The following TLE1 variants were observed in gnomAD, a reference collection of about 807,000 sequenced individuals.
TLE1 encodes the protein transducin-like enhancer protein 1.
A neutral mutation model predicts 89.8 loss-of-function variants in TLE1; 21 were observed. The observed-to-expected ratio is 0.23, with a 90% CI of 0.17 to 0.34. The LOEUF is 0.34. Ranked by LOEUF, TLE1 falls within the 10% of genes least tolerant of loss-of-function variation. The probability of loss-of-function intolerance (pLI) is 1.00; values close to 1 mark genes in which losing one functional copy is unlikely to be tolerated. For missense variants in TLE1, 795 were observed against 1,031.2 expected (o/e 0.77, Z 3.14); for synonymous variants, 447 against 407.6 (o/e 1.10, Z -1.16).
At chr9:81,681,872 AAG>A (rs1247258798) in intron 4 of TLE1, among the ~76,000 whole-genome samples, 2 of 152,152 alleles carry the variant, frequency 1.3e-5, no homozygotes, top group African/African-American at 4.8e-5. Flanking sequence ...CATCAGCACA[AAG>A]AGTCAGAACT....
At chr9:81,681,778 G>A (rs1264748878) in intron 4 of TLE1, among the ~76,000 whole-genome samples, 1 of 152,164 alleles carries the variant, frequency 6.6e-6, no homozygotes, top group African/African-American at 2.4e-5. Context: ...CCTCTCCCCA[G>A]AAAGACCAGT....
intron 17 of TLE1, among the ~76,000 whole-genome samples, chr9:81,586,718 C>A (rs955957175): frequency 2.6e-5 from 4 of 152,060 alleles, no homozygotes; most frequent in Admixed American, 2.6e-4. Context: ...TTGTACAATT[C>A]TCTGTGCTTT....
chr9:81,630,769 A>G lies in TLE1; in HGVS notation c.594+2579T>C, dbSNP rs73647836. Among the ~76,000 whole-genome samples, 713 of 152,350 alleles carry G rather than the reference A, an allele frequency of 4.7e-3. 4 individuals are homozygous for G. The highest frequency in any genetic ancestry group is 0.016 in the African/African-American group (671 of 41,582). Reference sequence around the variant, plus strand: ...CCACTTTATTAAATAGATAAGTACTATAATATTTTAGGCACTAATAGTACA... The same window carrying G: ...CCACTTTATTAAATAGATAAGTACTGTAATATTTTAGGCACTAATAGTACA... On this transcript the variant is annotated intron_variant, in intron 8 of 19. Coordinates refer to ENST00000376499, the MANE Select transcript of TLE1 (RefSeq NM_005077.5).
intron 4 of TLE1, among the ~76,000 whole-genome samples, chr9:81,673,843 G>A (rs1564068143): frequency 6.6e-6 from 1 of 152,116 alleles, no homozygotes; most frequent in Non-Finnish European, 1.5e-5. Context: ...GAAAGCCAAA[G>A]AGCTGAGAAA....
At chr9:81,652,741 G>A (rs760880218) in intron 5 of TLE1, among the ~76,000 whole-genome samples, 5 of 152,074 alleles carry the variant, frequency 3.3e-5, no homozygotes, top group Non-Finnish European at 7.4e-5. Context: ...AGGAGTTCAA[G>A]ACCAGCATGG....
chr9:81,615,395 G>A (rs1211613126), intron 11 of TLE1, among the ~76,000 whole-genome samples: 1 of 151,378 alleles, frequency 6.6e-6, no homozygotes, highest in Non-Finnish European at 1.5e-5. Context: ...AGAGAGCTGT[G>A]TGGCAAGAAC....
chr9:81,653,077 G>C (rs1252945430), intron 5 of TLE1, among the ~76,000 whole-genome samples: 1 of 152,156 alleles, frequency 6.6e-6, no homozygotes, highest in Admixed American at 6.5e-5. Flanking sequence ...ATGTAACATA[G>C]AGCCGTGGAT....
At chr9:81,615,785 G>A (rs1250509426) in intron 11 of TLE1, among the ~76,000 whole-genome samples, 197 bp downstream of exon 11, 3 of 151,808 alleles carry the variant, frequency 2.0e-5, no homozygotes, top group African/African-American at 7.3e-5. Context: ...CTCTAATCAT[G>A]GCCGAAAAGA....
Position 81,688,386 on chromosome 9 carries a change from C to T in TLE1, c.-146G>A. On this transcript the variant is annotated 5_prime_UTR_variant, in exon 1 of 20. Coordinates refer to ENST00000376499, the MANE Select transcript of TLE1 (RefSeq NM_005077.5). ...CCACGCACGCGCGCTCCGCCGGGCG[C>T]ACCGGCCACTCGGCGCCCGCAGCTG... 3 of 916,564 alleles carry T rather than the reference C, an allele frequency of 3.3e-6. No individual in the cohort carries two copies. Among genetic ancestry groups the T allele is most frequent in the Non-Finnish European group, 4.6e-6 (3 of 658,826 alleles). 56.8% of individuals were successfully genotyped at this position (916,564 alleles called of 1,614,324 possible).
rs201045494 is a variant in TLE1, at chr9:81,620,539, G to A, written c.613C>T (p.Pro205Ser). The change falls in exon 9 of 20, where the codon CCA becomes TCA. Residue 205 changes from proline (P) to serine (S), a missense_variant. This residue lies in a region of TLE1 where 468 missense variants were observed against 509.1 expected (regional missense o/e 0.92). Coordinates refer to ENST00000376499, the MANE Select transcript of TLE1 (RefSeq NM_005077.5). ...EPGTSNSLLV[P>S]DSLRGTDKRR... is the part of the protein sequence containing the mutation. The stretch of plus-strand genomic sequence containing the variant: ...TTATCTGTGCCTCTTAGACTGTCTG[G>A]GACCAGGAGGGAATTACTCTGCAAG... The A allele has an allele frequency of 1.2e-6, 2 of 1,610,966 alleles. No homozygotes were observed. Among genetic ancestry groups the A allele is most frequent in the Non-Finnish European group, 1.7e-6 (2 of 1,179,294 alleles).
chr9:81,587,908 G>GTGTGTGTGTGTGTGTGTCATCCCGCC lies in TLE1; in HGVS notation c.1830-81_1830-80insGGCGGGATGACACACACACACACACA, dbSNP rs1564104092. Reference sequence around the variant, plus strand: ...ACTGTTGTGTTGTTAGTTTTGGACCGTGTGTGTGTGTGTGTGTGTGTGTGT... The same window carrying GTGTGTGTGTGTGTGTGTCATCCCGCC: ...ACTGTTGTGTTGTTAGTTTTGGACCGTGTGTGTGTGTGTGTGTCATCCCGCCTGTGTGTGTGTGTGTGTGTGTGTGT... On this transcript the variant is annotated intron_variant, in intron 16 of 19. Coordinates refer to ENST00000376499, the MANE Select transcript of TLE1 (RefSeq NM_005077.5). 2.3e-3 allele frequency: 1,400 copies of GTGTGTGTGTGTGTGTGTCATCCCGCC among 600,616 alleles called. 18 individuals are homozygous for GTGTGTGTGTGTGTGTGTCATCCCGCC. Among genetic ancestry groups the GTGTGTGTGTGTGTGTGTCATCCCGCC allele is most frequent in the Admixed American group, 2.8e-3 (55 of 19,322 alleles). The allele number at this position is 600,616 out of a possible 1,614,324, so 37.2% of individuals were successfully genotyped here. A position where few individuals can be genotyped will look rare whatever the true frequency, so the allele number is the denominator to read the frequency against.
intron 4 of TLE1, among the ~76,000 whole-genome samples, chr9:81,673,443 G>GT (rs1047793613): frequency 1.3e-5 from 2 of 151,888 alleles, no homozygotes; most frequent in Admixed American, 1.3e-4. Context: ...CAAAACGGAA[G>GT]TATCAGTGAA....
intron 4 of TLE1, among the ~76,000 whole-genome samples, chr9:81,668,993 TCAATTCTCGTTTCCCACAGCACCAGAAAC>T (rs1226130872): frequency 6.6e-6 from 1 of 152,192 alleles, no homozygotes; most frequent in Non-Finnish European, 1.5e-5. Flanking sequence ...CCAGGACATG[TCAATTCTCGTTTCCCACAGCACCAGAAAC>T]CAAATTTAAC....
chr9:81,629,238 ATC>A (rs1427265393), intron 8 of TLE1, among the ~76,000 whole-genome samples: 1 of 152,184 alleles, frequency 6.6e-6, no homozygotes, highest in Non-Finnish European at 1.5e-5. Context: ...TTTGTCAATT[ATC>A]TCTTTCAAGC....
intron 14 of TLE1, among the ~76,000 whole-genome samples, chr9:81,605,607 TA>T (rs1831533339): frequency 6.6e-6 from 1 of 150,682 alleles, no homozygotes; most frequent in Non-Finnish European, 1.5e-5. Context: ...ACACCTTATA[TA>T]AAAATTAATT....
chr9:81,621,017 G>A (rs1825178418), intron 8 of TLE1: 1 of 322,442 alleles, frequency 3.1e-6, no homozygotes, highest in Admixed American at 4.2e-5. Context: ...TAACAGCATG[G>A]TTTCCTAAAA....
chr9:81,633,455 A>C, intron 7 of TLE1, 91 bp from the exon 8 acceptor site: 1 of 1,591,786 alleles, frequency 6.3e-7, no homozygotes, highest in Non-Finnish European at 8.6e-7. Context: ...AATAATTAGA[A>C]CACAAGCCCC....
chr9:81,668,663 G>GT lies in TLE1; in HGVS notation c.235-14628dup, dbSNP rs200387224. ...TCGTATGGGACAGAATCTATTCAGA[G>GT]TTACAGGGACTGACCAAAAATACAC... On this transcript the variant is annotated intron_variant, in intron 4 of 19. Coordinates refer to ENST00000376499, the MANE Select transcript of TLE1 (RefSeq NM_005077.5). 4.1e-3 allele frequency among the ~76,000 whole-genome samples: 617 copies of GT among 152,164 alleles called. 13 individuals carry two copies. Among genetic ancestry groups the GT allele is most frequent in the East Asian group, 1.4e-3 (7 of 5,174 alleles).
At chr9:81,612,071 T>A (rs948884975) in intron 12 of TLE1, 112 bp from the exon 13 acceptor site, 46 of 878,430 alleles carry the variant, frequency 5.2e-5, no homozygotes, top group Non-Finnish European at 7.2e-5. Flanking sequence ...GAGAAAGAGG[T>A]AAGGCTTCTA....
Sources: allele counts gnomAD v4.1 joint callset (sites outside exome capture counted in the v4.1 genomes callset), GRCh38; gene constraint gnomAD v4.1.1; regional missense constraint gnomAD v4.1.1; transcripts MANE v1.5; gene names NCBI Gene and HGNC (gene_info 2026-07-23, HGNC 2026-07-21).